Variants in DDX4 observed in about 807,000 individuals in gnomAD.
DDX4 encodes the protein DEAD-box helicase 4.
DDX4 carries 25 observed loss-of-function variants against 100.0 expected under a neutral mutation model. The ratio of observed to expected loss-of-function variants is 0.25; its 90% CI spans 0.18 to 0.35. DDX4 has a LOEUF of 0.35. DDX4 is among the 10% of genes least tolerant of loss of function. The pLI, the probability that DDX4 is intolerant of heterozygous loss-of-function variation, is 1.00. For synonymous variants in DDX4, 259 were observed against 275.7 expected (o/e 0.94, Z 0.60); for missense variants, 635 against 882.4 (o/e 0.72, Z 3.55).
chr5:55,745,347 C>T (rs1028243311), intron 2 of DDX4, among the ~76,000 whole-genome samples: 1 of 152,108 alleles, frequency 6.6e-6, no homozygotes, highest in Non-Finnish European at 1.5e-5. Flanking sequence ...ACTTGGCATA[C>T]AATAGTGTGT....
At chr5:55,793,384 A>G (rs149008559) in intron 17 of DDX4, among the ~76,000 whole-genome samples, 1 of 152,266 alleles carries the variant, frequency 6.6e-6, no homozygotes, top group African/African-American at 2.4e-5. Context: ...CTATGGTTCA[A>G]CATAAGATTT....
rs1334247474 is a variant in DDX4, at chr5:55,779,948, T to A, written c.395-16T>A. 6.2e-7 allele frequency: 1 copy of A among 1,610,096 alleles called. No individual in the cohort carries two copies. On this transcript the variant is annotated splice_polypyrimidine_tract_variant and intron_variant, in intron 7 of 21. Transcript: ENST00000505374. ...TGTTGTTTTGTGTTGTTCTTGTGTGTGTTTTAACATTATAGGCTATCGAGA... is the reference window on the plus strand; with the variant it reads ...TGTTGTTTTGTGTTGTTCTTGTGTGAGTTTTAACATTATAGGCTATCGAGA...
intron 18 of DDX4, among the ~76,000 whole-genome samples, chr5:55,807,830 T>C (rs1291245862): frequency 6.6e-6 from 1 of 152,192 alleles, no homozygotes; most frequent in Non-Finnish European, 1.5e-5. Context: ...GGAGTATCTT[T>C]GTGGCGTTCT....
Position 55,777,266 on chromosome 5 carries a change from G to A in DDX4, c.395-2698G>A, listed in dbSNP as rs555960007. Reference sequence around the variant, plus strand: ...AAGATTGTAGAAATAAAAGACCTATGTATCAGTAATCATAATATAGGTAAG... The same window carrying A: ...AAGATTGTAGAAATAAAAGACCTATATATCAGTAATCATAATATAGGTAAG... On this transcript the variant is annotated intron_variant, in intron 7 of 21. Transcript: ENST00000505374. Among the ~76,000 whole-genome samples the A allele has an allele frequency of 3.3e-4, 50 of 152,258 alleles. No individual in the cohort carries two copies. In the South Asian group the frequency reaches 0.01, roughly 31 times the overall value.
chr5:55,784,718 T>C (rs1742141290), intron 10 of DDX4, among the ~76,000 whole-genome samples: 1 of 152,188 alleles, frequency 6.6e-6, no homozygotes, highest in African/African-American at 2.4e-5. Context: ...ATAAAAACCC[T>C]GGGTACTGAG....
chr5:55,760,568 G>A (rs957677806), intron 4 of DDX4, among the ~76,000 whole-genome samples: 1 of 152,128 alleles, frequency 6.6e-6, no homozygotes, highest in South Asian at 2.1e-4. Context: ...TTGTGATATT[G>A]ATTTCCAACA....
In DDX4 at chr5:55,747,292, C is replaced by T. The variant is rs10062516; in HGVS notation, c.127+1071C>T. Among the ~76,000 whole-genome samples the T allele has an allele frequency of 3.3e-3, 508 of 152,302 alleles. 4 individuals are homozygous for T. The highest frequency in any genetic ancestry group is 0.012 in the African/African-American group (493 of 41,568). On this transcript the variant is annotated intron_variant, in intron 3 of 21. Transcript: ENST00000505374. ...ACTCGGAAGGCTGAGGCAGGAGAAT[C>T]GCTTGAACCCGGGAGGTGGAGGTTG...
intron 7 of DDX4, among the ~76,000 whole-genome samples, chr5:55,770,153 A>T (rs1741165619): frequency 6.6e-6 from 1 of 152,112 alleles, no homozygotes; most frequent in African/African-American, 2.4e-5. Context: ...GGCATGAGCC[A>T]CTGTGCCTGT....
chr5:55,802,267 G>C (rs980595976), intron 18 of DDX4, among the ~76,000 whole-genome samples: 9 of 152,104 alleles, frequency 5.9e-5, no homozygotes, highest in African/African-American at 2.2e-4. Flanking sequence ...TTGGGATGGG[G>C]TGTCAGTGAG....
chr5:55,804,778 T>C (rs551804652), intron 18 of DDX4, among the ~76,000 whole-genome samples: 1 of 152,242 alleles, frequency 6.6e-6, no homozygotes, highest in African/African-American at 2.4e-5. Flanking sequence ...CTTTGTTCTT[T>C]TGGCTTAGGA....
In DDX4 at chr5:55,785,300, G is replaced by A. The variant is rs1426906535; in HGVS notation, c.629G>A (p.Gly210Asp). 6.3e-7 allele frequency: 1 copy of A among 1,594,710 alleles called. No individual in the cohort carries two copies. Among genetic ancestry groups the A allele is most frequent in the East Asian group, 2.2e-5 (1 of 44,690 alleles). ...CACTTATGAATTTCTTTAATAGGTG[G>A]TTACAAAGGTTTAAATGAAGAAGTA... is the stretch of plus-strand genomic sequence containing the variant. ...SRSGSGSERG[G>D]YKGLNEEVIT... Residue 210 changes from glycine to aspartate, a missense_variant, in exon 11 of 22, where the codon GGT (glycine) becomes GAT (aspartate). Coordinates refer to ENST00000505374, the MANE Select transcript of DDX4 (RefSeq NM_024415.3).
chr5:55,768,574 T>C (rs576350160), intron 7 of DDX4, among the ~76,000 whole-genome samples: 2 of 152,334 alleles, frequency 1.3e-5, no homozygotes, highest in Admixed American at 1.3e-4. Flanking sequence ...TTGTGAATAG[T>C]GCTGTGGTGA....
At position 55,815,185 on chromosome 5, in the gene DDX4, T is replaced by C; in HGVS notation, c.1986+14T>C. On this transcript the variant is annotated intron_variant, in intron 20 of 21. Coordinates refer to ENST00000505374, the MANE Select transcript of DDX4 (RefSeq NM_024415.3). ...GTATTGACAGATGTAAGTTAAACTT[T>C]TATGATGGAATGGATAGTTTTCTTA... is the stretch of plus-strand genomic sequence containing the variant. The C allele has an allele frequency of 2.5e-6, 4 of 1,611,742 alleles. No individual in the cohort carries two copies. The highest frequency in any genetic ancestry group is 2.5e-6 in the Non-Finnish European group (3 of 1,178,736).
intron 7 of DDX4, among the ~76,000 whole-genome samples, chr5:55,778,895 A>AG (rs1401206023): frequency 6.6e-6 from 1 of 151,020 alleles, no homozygotes; most frequent in East Asian, 1.9e-4. Flanking sequence ...CTTCGCCTCA[A>AG]AAAAAAAAAA....
intron 21 of DDX4, among the ~76,000 whole-genome samples, chr5:55,816,231 G>C (rs765370634): frequency 6.6e-6 from 1 of 151,954 alleles, no homozygotes; most frequent in Non-Finnish European, 1.5e-5. Context: ...CAAAACTATT[G>C]ACTTAAAAAA....
intron 10 of DDX4, among the ~76,000 whole-genome samples, chr5:55,784,029 C>G (rs1055215000): frequency 1.3e-5 from 2 of 151,984 alleles, no homozygotes; most frequent in Non-Finnish European, 2.9e-5. Context: ...GTGATACTCC[C>G]CTCCTCGTGT....
At chr5:55,809,663 T>C (rs1430417551) in intron 18 of DDX4, among the ~76,000 whole-genome samples, 2 of 152,148 alleles carry the variant, frequency 1.3e-5, no homozygotes, top group African/African-American at 4.8e-5. Context: ...TTCCAGAACA[T>C]TGAAAAAGCA....
At chr5:55,764,736 G>A (rs1391272876) in intron 6 of DDX4, among the ~76,000 whole-genome samples, 1 of 152,148 alleles carries the variant, frequency 6.6e-6, no homozygotes, top group Non-Finnish European at 1.5e-5. Flanking sequence ...CTTGCTACCT[G>A]CTAGTTGAAG....
intron 2 of DDX4, chr5:55,742,229 G>T (rs189940008): frequency 8.8e-5 from 40 of 456,276 alleles, no homozygotes; most frequent in African/African-American, 4.8e-4. Context: ...GCTTATTGGG[G>T]TGAGTGTTAG....
Sources: allele counts gnomAD v4.1 joint callset (sites outside exome capture counted in the v4.1 genomes callset), GRCh38; gene constraint gnomAD v4.1.1; transcripts MANE v1.5; gene names NCBI Gene and HGNC (gene_info 2026-07-23, HGNC 2026-07-21).